The following PFKFB2 variants were observed in gnomAD, a reference collection of about 807,000 sequenced individuals.
PFKFB2 encodes 6-phosphofructo-2-kinase/fructose-2,6-bisphosphatase 2.
Under a neutral mutation model 68.0 loss-of-function variants are expected in PFKFB2, and 53 were observed. The ratio of observed to expected loss-of-function variants is 0.78; its 90% CI spans 0.63 to 0.98. PFKFB2 has a LOEUF of 0.98. Among genes scored for constraint, PFKFB2 ranks in the 50% least tolerant of loss-of-function variants. The probability of loss-of-function intolerance (pLI) is 0.00; values close to 1 mark genes in which losing one functional copy is unlikely to be tolerated. For synonymous variants in PFKFB2, 222 were observed against 227.6 expected, an observed-to-expected ratio of 0.98 and a Z score of 0.22; for missense variants, 451 against 642.0, an observed-to-expected ratio of 0.70 and a Z score of 3.22.
At chr1:207,057,872 G>A (rs1427313266) in intron 2 of PFKFB2, among the ~76,000 whole-genome samples, 4 of 152,030 alleles carry the variant, frequency 2.6e-5, no homozygotes, top group South Asian at 2.1e-4. Context: ...AGCTTTCCAC[G>A]GATAGGTATT....
At chr1:207,078,943 C>T (rs1242695113), downstream of PFKFB2, 4 of 1,610,746 alleles carry the variant, frequency 2.5e-6, no homozygotes, top group South Asian at 4.4e-5. Context: ...CTCTTCCTCT[C>T]TGGCTCGTAG....
At chr1:207,042,522 T>C (rs1682498206) in intron 2 of PFKFB2, among the ~76,000 whole-genome samples, 1 of 111,402 alleles carries the variant, frequency 9.0e-6, no homozygotes, top group East Asian at 3.0e-4. Flanking sequence ...CGCTGCAGCC[T>C]GGGCGACACA....
chr1:207,077,655 T>C lies in PFKFB2; in HGVS notation c.*5284T>C. On this transcript the variant is annotated 3_prime_UTR_variant, in exon 15 of 15. Transcript: ENST00000367080. The stretch of plus-strand genomic sequence containing the variant: ...TTTCCTAGGCACTGCTCTGTTGAAA[T>C]AGGAACATAAGTCTTTAGCAACATT... 1.0e-6 allele frequency: 1 copy of C among 985,730 alleles called. No individual in the cohort carries two copies. 61.1% of individuals were successfully genotyped at this position (985,730 alleles called of 1,614,324 possible).
chr1:207,063,010 C>T lies in PFKFB2; in HGVS notation c.309-133C>T. 1 of 786,318 alleles carries T rather than the reference C, an allele frequency of 1.3e-6. No individual in the cohort carries two copies. Among genetic ancestry groups the T allele is most frequent in the Non-Finnish European group, 2.2e-6 (1 of 455,486 alleles). The allele number at this position is 786,318 out of a possible 1,614,324, so 48.7% of individuals were successfully genotyped here. A position where few individuals can be genotyped will look rare whatever the true frequency, so the allele number is the denominator to read the frequency against. Reference sequence around the variant, plus strand: ...ACCCTCAGTGAGAAAGTTGAAAGATCTAGTTAGAGAAAGGTTTTGAACAGT... The same window carrying T: ...ACCCTCAGTGAGAAAGTTGAAAGATTTAGTTAGAGAAAGGTTTTGAACAGT... On this transcript the variant is annotated intron_variant, in intron 4 of 14. Transcript: ENST00000367080. This position sits in a 1 kb window ranked among gnomAD's most constrained non-coding sequence, Gnocchi z 4.1.
chr1:207,066,590 G>A (rs1683294767), intron 8 of PFKFB2, among the ~76,000 whole-genome samples: 1 of 152,098 alleles, frequency 6.6e-6, no homozygotes, highest in Non-Finnish European at 1.5e-5. Context: ...TCTGGTAGTA[G>A]GGTGATGCGT....
rs547145047 is a variant in PFKFB2, at chr1:207,064,379, C to T, written c.507+550C>T. Among the ~76,000 whole-genome samples the T allele has an allele frequency of 1.7e-4, 25 of 150,838 alleles. No homozygotes were observed. The South Asian group carries it at 5.0e-3, about 30-fold the overall frequency. ...CATGATTGTGCCACTGCAGTCCAGT[C>T]TTGGTAACAGAGTGAGAACATGTCT... On this transcript the variant is annotated intron_variant, in intron 7 of 14. Coordinates refer to ENST00000367080, the MANE Select transcript of PFKFB2 (RefSeq NM_006212.2).
Position 207,063,888 on chromosome 1 carries a change from G to GGGGTGGGTGTGTGTGTGT in PFKFB2, c.507+60_507+61insGGTGGGTGTGTGTGTGTG. On this transcript the variant is annotated intron_variant, in intron 7 of 14. Coordinates refer to ENST00000367080, the MANE Select transcript of PFKFB2 (RefSeq NM_006212.2). This position sits in a 1 kb window ranked among gnomAD's most constrained non-coding sequence, Gnocchi z 4.1. ...ACCTTTTGTGCTGTGTGTGTTGTGG[G>GGGGTGGGTGTGTGTGTGT]GTGTGTGTGTGTGTGTGTGTGTGTG... 2 of 1,015,394 alleles carry GGGGTGGGTGTGTGTGTGT rather than the reference G, an allele frequency of 2.0e-6. No homozygotes were observed. Among genetic ancestry groups the GGGGTGGGTGTGTGTGTGT allele is most frequent in the Non-Finnish European group, 3.1e-6 (2 of 650,708 alleles). 62.9% of individuals were successfully genotyped at this position (1,015,394 alleles called of 1,614,324 possible).
rs1683426041 is a variant in PFKFB2, at chr1:207,070,208, A to G, written c.1093-72A>G. 2 of 1,588,300 alleles carry G rather than the reference A, an allele frequency of 1.3e-6. No homozygotes were observed. The highest frequency in any genetic ancestry group is 2.7e-5 in the African/African-American group (2 of 74,186). ...GAAGAAGAAGTGGCCCTTAGTCTCC[A>G]AGGTCCAGCCACTGACTTGGCTGCC... On this transcript the variant is annotated intron_variant, in intron 11 of 14. Coordinates refer to ENST00000367080, the MANE Select transcript of PFKFB2 (RefSeq NM_006212.2). This position sits in a 1 kb window ranked among gnomAD's most constrained non-coding sequence, Gnocchi z 4.2.
rs185282414 is a variant in PFKFB2, at chr1:207,039,652, C to A, written c.-61-2517C>A. Among the ~76,000 whole-genome samples the A allele has an allele frequency of 1.6e-3, 240 of 152,186 alleles. 5 individuals carry two copies. In the East Asian group the frequency reaches 0.022, roughly 14 times the overall value. ...CAAGATTACATGTTTTAAAAAAAAACCCCACGCTTTTATGGTAGTTGTTTC... is the reference window on the plus strand; with the variant it reads ...CAAGATTACATGTTTTAAAAAAAAAACCCACGCTTTTATGGTAGTTGTTTC... On this transcript the variant is annotated intron_variant, in intron 1 of 5. Coordinates refer to the PFKFB2 transcript ENST00000545806.
At chr1:207,035,654 A>AAAAC (rs994493045) in intron 1 of PFKFB2, among the ~76,000 whole-genome samples, 12 of 150,996 alleles carry the variant, frequency 7.9e-5, no homozygotes, top group East Asian at 3.8e-4. Context: ...CCCTGTCTTA[A>AAAAC]AAACAAACAA....
At position 207,076,467 on chromosome 1, in the gene PFKFB2, A is replaced by G. The variant is rs749377635; in HGVS notation, c.*4096A>G. On this transcript the variant is annotated 3_prime_UTR_variant, in exon 15 of 15. Coordinates refer to ENST00000367080, the MANE Select transcript of PFKFB2 (RefSeq NM_006212.2). ...ATAGATTTACCCAGCTTTTCTATGT[A>G]TTTTGACTTATTGAAAATATGTAAC... 5 of 985,242 alleles carry G rather than the reference A, an allele frequency of 5.1e-6. No homozygotes were observed. The highest frequency in any genetic ancestry group is 6.2e-5 in the Admixed American group (1 of 16,258). The allele number at this position is 985,242 out of a possible 1,614,324, so 61.0% of individuals were successfully genotyped here.
At chr1:207,057,651 G>A (rs1216199570) in intron 2 of PFKFB2, among the ~76,000 whole-genome samples, 1 of 151,818 alleles carries the variant, frequency 6.6e-6, no homozygotes, top group Non-Finnish European at 1.5e-5. Flanking sequence ...TTTAGAAAGC[G>A]AAAAGTAAAA....
chr1:207,075,402 G>A lies in PFKFB2; in HGVS notation c.*3031G>A. On this transcript the variant is annotated 3_prime_UTR_variant, in exon 15 of 15. Coordinates refer to ENST00000367080, the MANE Select transcript of PFKFB2 (RefSeq NM_006212.2). ...GAGAAGTCTAGCAGGAAGAAGCCAG[G>A]AGAATGTAGAATGGAAAAGAGCTCT... 1.0e-6 allele frequency: 1 copy of A among 985,426 alleles called. No individual in the cohort carries two copies. The highest frequency in any genetic ancestry group is 1.2e-6 in the Non-Finnish European group (1 of 829,926). 61.0% of individuals were successfully genotyped at this position (985,426 alleles called of 1,614,324 possible).
intron 4 of PFKFB2, among the ~76,000 whole-genome samples, chr1:207,062,918 A>G (rs1366173809): frequency 6.6e-6 from 1 of 152,164 alleles, no homozygotes; most frequent in Non-Finnish European, 1.5e-5. Flanking sequence ...TTGTAGGAGA[A>G]GTCTAAAGAG....
rs1159531461 is a variant in PFKFB2, at chr1:207,072,630, G to T, written c.*259G>T. 1.6e-6 allele frequency: 2 copies of T among 1,239,082 alleles called. No individual in the cohort carries two copies. The highest frequency in any genetic ancestry group is 3.8e-5 in the East Asian group (1 of 26,658). The allele number at this position is 1,239,082 out of a possible 1,614,324, so 76.8% of individuals were successfully genotyped here. ...TCTTTTAGGACAGATTCTCAGATGG[G>T]ATGATCTGGAGGAGGAGGAAAAAGA... is the stretch of plus-strand genomic sequence containing the variant. On this transcript the variant is annotated 3_prime_UTR_variant, in exon 15 of 15. Coordinates refer to ENST00000367080, the MANE Select transcript of PFKFB2 (RefSeq NM_006212.2).
In PFKFB2 at chr1:207,076,091, A is replaced by G. The variant is rs1683614325; in HGVS notation, c.*3720A>G. ...TTCCAAAGAAGTTGGAGTTAAGGACACAATATATTTGTACCCCTAGACTGA... is the reference window on the plus strand; with the variant it reads ...TTCCAAAGAAGTTGGAGTTAAGGACGCAATATATTTGTACCCCTAGACTGA... On this transcript the variant is annotated 3_prime_UTR_variant, in exon 15 of 15. Coordinates refer to ENST00000367080, the MANE Select transcript of PFKFB2 (RefSeq NM_006212.2). The G allele has an allele frequency of 1.0e-6, 1 of 985,404 alleles. No individual in the cohort carries two copies. Among genetic ancestry groups the G allele is most frequent in the Non-Finnish European group, 1.2e-6 (1 of 829,898 alleles). 61.0% of individuals were successfully genotyped at this position (985,404 alleles called of 1,614,324 possible). A position where few individuals can be genotyped will look rare whatever the true frequency, so the allele number is the denominator to read the frequency against.
chr1:207,076,851 A>G lies in PFKFB2; in HGVS notation c.*4480A>G, dbSNP rs1368845559. 2.0e-6 allele frequency: 2 copies of G among 985,134 alleles called. No homozygotes were observed. Among genetic ancestry groups the G allele is most frequent in the Non-Finnish European group, 1.2e-6 (1 of 829,768 alleles). 61.0% of individuals were successfully genotyped at this position (985,134 alleles called of 1,614,324 possible). A position where few individuals can be genotyped will look rare whatever the true frequency, so the allele number is the denominator to read the frequency against. ...CTAACGGTCTAGGGTCTGTAAGCTG[A>G]CAGTCTGCCTGCTTTCTGATTGTAT... On this transcript the variant is annotated 3_prime_UTR_variant, in exon 15 of 15. Transcript: ENST00000367080.
chr1:207,077,956 C>G (rs1458833705), downstream of PFKFB2: 1 of 208,706 alleles, frequency 4.8e-6, no homozygotes. Context: ...AATTGAAGAC[C>G]ATGGTGTAGC....
intron 1 of PFKFB2, among the ~76,000 whole-genome samples, chr1:207,040,269 T>C (rs1233922351): frequency 6.6e-6 from 1 of 152,214 alleles, no homozygotes; most frequent in Non-Finnish European, 1.5e-5. Context: ...TTTCGGCTTA[T>C]TGCAGTGATT....
Sources: gnomAD v4.1 joint callset for allele counts (sites outside exome capture counted in the v4.1 genomes callset) on GRCh38, gnomAD v4.1.1 for gene constraint, Gnocchi (gnomAD v3.1) non-coding constraint, MANE v1.5 for transcripts, NCBI Gene and HGNC (gene_info 2026-07-23, HGNC 2026-07-21) for gene names.